The following RAB8A variants were observed in gnomAD, a reference collection of about 807,000 sequenced individuals.
RAB8A encodes RAB8A, member RAS oncogene family.
RAB8A carries 5 observed loss-of-function variants against 29.2 expected under a neutral mutation model. The ratio of observed to expected loss-of-function variants is 0.17; its 90% CI spans 0.09 to 0.36. The LOEUF is 0.36. Among genes scored for constraint, RAB8A ranks in the 10% least tolerant of loss-of-function variants. The probability of loss-of-function intolerance (pLI) is 1.00; values close to 1 mark genes in which losing one functional copy is unlikely to be tolerated. For synonymous variants in RAB8A, 108 were observed against 99.9 expected (o/e 1.08, Z -0.49); for missense variants, 171 against 272.2 (o/e 0.63, Z 2.62).
chr19:16,128,655 G>A (rs2090912384), intron 6 of RAB8A, among the ~76,000 whole-genome samples: 1 of 152,180 alleles, frequency 6.6e-6, no homozygotes, highest in African/African-American at 2.4e-5. Context: ...TCCTTGCCTG[G>A]CGTGGAAGGC....
intron 1 of RAB8A, among the ~76,000 whole-genome samples, chr19:16,114,570 T>A (rs970507374): frequency 5.4e-5 from 8 of 148,866 alleles, no homozygotes; most frequent in African/African-American, 1.7e-4. Flanking sequence ...TTTTTTTTTT[T>A]AGTAGAGATG....
At chr19:16,119,283 G>A (rs530915821) in intron 2 of RAB8A, among the ~76,000 whole-genome samples, 31 of 152,056 alleles carry the variant, frequency 2.0e-4, no homozygotes, top group African/African-American at 4.1e-4. Flanking sequence ...TTGTCTCACC[G>A]CAACCTCTGC....
intron 1 of RAB8A, among the ~76,000 whole-genome samples, chr19:16,117,106 C>G (rs773637391): frequency 1.8e-4 from 27 of 152,086 alleles, no homozygotes; most frequent in African/African-American, 5.8e-4. Flanking sequence ...ATGAGTACTC[C>G]GTTCCTTTTT....
At chr19:16,121,473 C>T (rs1393010213) in intron 2 of RAB8A, among the ~76,000 whole-genome samples, 2 of 152,192 alleles carry the variant, frequency 1.3e-5, no homozygotes, top group Non-Finnish European at 2.9e-5. Flanking sequence ...GAACCAGAAA[C>T]TCCAGGGAGA....
At chr19:16,117,488 C>CAA (rs111522838) in intron 1 of RAB8A, among the ~76,000 whole-genome samples, 1,526 of 135,844 alleles carry the variant, frequency 0.011, 27 homozygotes, top group African/African-American at 0.039. Flanking sequence ...GACTCCATCT[C>CAA]AAAAAAAAAA....
At position 16,127,166 on chromosome 19, in the gene RAB8A, T is replaced by A. The variant is rs1334468111; in HGVS notation, c.325-271T>A. Among the ~76,000 whole-genome samples the A allele has an allele frequency of 1.3e-5, 2 of 152,156 alleles. No homozygotes were observed. Among genetic ancestry groups the A allele is most frequent in the African/African-American group, 4.8e-5 (2 of 41,440 alleles). ...AGCATCCCAGGTGCGGGGGCTTGATTGATACAGCCATAGAAGCTGCCAGAA... is the reference window on the plus strand; with the variant it reads ...AGCATCCCAGGTGCGGGGGCTTGATAGATACAGCCATAGAAGCTGCCAGAA... On this transcript the variant is annotated intron_variant, in intron 4 of 7. Coordinates refer to ENST00000300935, the MANE Select transcript of RAB8A (RefSeq NM_005370.5). This position sits in a 1 kb window ranked among gnomAD's most constrained non-coding sequence, Gnocchi z 4.8.
Position 16,127,636 on chromosome 19 carries a change from C to A in RAB8A, c.414+110C>A. The A allele has an allele frequency of 1.2e-6, 1 of 863,932 alleles. No individual in the cohort carries two copies. The highest frequency in any genetic ancestry group is 1.7e-6 in the Non-Finnish European group (1 of 576,198). The allele number at this position is 863,932 out of a possible 1,614,324, so 53.5% of individuals were successfully genotyped here. ...AGGGGCCTGAGACGAGTTGGTCACC[C>A]CAGTGGGGCACGTGCCATGGGATGA... is the stretch of plus-strand genomic sequence containing the variant. On this transcript the variant is annotated intron_variant, in intron 5 of 7. Transcript: ENST00000300935. This position sits in a 1 kb window ranked among gnomAD's most constrained non-coding sequence, Gnocchi z 4.8.
intron 2 of RAB8A, among the ~76,000 whole-genome samples, chr19:16,121,520 G>T (rs1428230796): frequency 6.6e-6 from 1 of 152,106 alleles, no homozygotes; most frequent in Non-Finnish European, 1.5e-5. Context: ...AGGAGAAGGC[G>T]CATGGGTCAG....
chr19:16,132,379 G>C lies in RAB8A; in HGVS notation c.*75G>C. ...TTCTGAGTGAGCCCCTCACTCAGCC[G>C]GGGCCCTCCCACCTCCAACGCCCCG... On this transcript the variant is annotated 3_prime_UTR_variant, in exon 8 of 8. Coordinates refer to ENST00000300935, the MANE Select transcript of RAB8A (RefSeq NM_005370.5). This position sits in a 1 kb window ranked among gnomAD's most constrained non-coding sequence, Gnocchi z 5.6. The C allele has an allele frequency of 1.4e-6, 2 of 1,454,632 alleles. No individual in the cohort carries two copies. Among genetic ancestry groups the C allele is most frequent in the Non-Finnish European group, 1.9e-6 (2 of 1,061,614 alleles). 90.1% of individuals were successfully genotyped at this position (1,454,632 alleles called of 1,614,324 possible).
intron 3 of RAB8A, among the ~76,000 whole-genome samples, chr19:16,123,315 A>G (rs1183213224): frequency 1.3e-5 from 2 of 152,198 alleles, no homozygotes; most frequent in African/African-American, 2.4e-5. Flanking sequence ...CCCAATTAAC[A>G]TTGAAAATCC....
intron 7 of RAB8A, 73 bp downstream of exon 7, chr19:16,129,677 T>C (rs2090917009): frequency 4.1e-6 from 6 of 1,455,100 alleles, no homozygotes; most frequent in African/African-American, 1.4e-5. Flanking sequence ...AGCAGTGATA[T>C]GACGTGCCCT....
intron 7 of RAB8A, among the ~76,000 whole-genome samples, chr19:16,131,856 T>A (rs1288514272): frequency 1.4e-3 from 1 of 730 alleles, no homozygotes; most frequent in Non-Finnish European, 3.0e-3. Context: ...AGATGGATGG[T>A]TGGTTGGTTG....
chr19:16,118,635 G>A (rs892562720), intron 2 of RAB8A, among the ~76,000 whole-genome samples: 1 of 152,196 alleles, frequency 6.6e-6, no homozygotes, highest in Non-Finnish European at 1.5e-5. Context: ...GGTGACGCCT[G>A]CAGGGACTGT....
Position 16,125,491 on chromosome 19 carries a change from A to G in RAB8A, c.268A>G (p.Ile90Val). The change falls in exon 4 of 8, where the codon ATC becomes GTC. Residue 90 changes from isoleucine (I) to valine (V), a missense_variant. Ile to Val is a conservative substitution (Grantham distance 29). This residue lies in a region of RAB8A where 145 missense variants were observed against 212.8 expected (regional missense o/e 0.68). Coordinates refer to ENST00000300935, the MANE Select transcript of RAB8A (RefSeq NM_005370.5). This position sits in a 1 kb window ranked among gnomAD's most constrained non-coding sequence, Gnocchi z 5.0. ...GCAGGGCATCATGCTGGTCTACGAC[A>G]TCACCAACGAGAAGTCCTTCGACAA... ...GAMGIMLVYD[I>V]TNEKSFDNIR... The G allele has an allele frequency of 6.2e-7, 1 of 1,614,170 alleles. No individual in the cohort carries two copies. The highest frequency in any genetic ancestry group is 1.1e-5 in the South Asian group (1 of 91,074).
chr19:16,114,894 A>G (rs60413197), intron 1 of RAB8A, among the ~76,000 whole-genome samples: 47,314 of 149,808 alleles, frequency 0.32, 7,513 homozygotes, highest in Admixed American at 0.36. Context: ...TGAAGGTCAG[A>G]CCTCATAATT....
At chr19:16,112,080 C>G in intron 1 of RAB8A, 55 bp downstream of exon 1, 1 of 1,600,974 alleles carries the variant, frequency 6.2e-7, no homozygotes, top group South Asian at 1.1e-5. Context: ...GGGCGCGCCC[C>G]TGAGGGGCTG....
chr19:16,115,524 G>A (rs985993877), intron 1 of RAB8A, among the ~76,000 whole-genome samples: 1 of 152,140 alleles, frequency 6.6e-6, no homozygotes, highest in African/African-American at 2.4e-5. Flanking sequence ...GCCTCCTCAG[G>A]GGCCCATTGA....
intron 1 of RAB8A, 25 bp downstream of exon 1, chr19:16,112,050 G>A (rs748181907): frequency 1.2e-6 from 2 of 1,612,084 alleles, no homozygotes; most frequent in South Asian, 1.1e-5. Flanking sequence ...GAATGGCTGG[G>A]GGCGCCGGAG....
chr19:16,121,725 T>C, intron 2 of RAB8A, 25 bp from the exon 3 acceptor site: 1 of 1,607,230 alleles, frequency 6.2e-7, no homozygotes, highest in East Asian at 2.2e-5. Context: ...TTAATGTTGC[T>C]AATATCCCTT....
Sources: allele counts gnomAD v4.1 joint callset (sites outside exome capture counted in the v4.1 genomes callset), GRCh38; gene constraint gnomAD v4.1.1; regional missense constraint gnomAD v4.1.1; non-coding constraint Gnocchi (gnomAD v3.1); transcripts MANE v1.5; gene names NCBI Gene and HGNC (gene_info 2026-07-23, HGNC 2026-07-21).